The following MBNL1 variants were observed in gnomAD, a reference collection of about 807,000 sequenced individuals.
MBNL1 encodes the protein muscleblind-like protein 1.
In MBNL1, 8 loss-of-function variants were observed where a neutral mutation model predicts 42.2. That is an observed-to-expected ratio of 0.19 (90% CI 0.11 to 0.34). The LOEUF is 0.34. Ranked by LOEUF, MBNL1 falls within the 10% of genes least tolerant of loss-of-function variation. The pLI is 1.00. For synonymous variants in MBNL1, 169 were observed against 173.9 expected (o/e 0.97, Z 0.22); for missense variants, 309 against 495.3 (o/e 0.62, Z 3.57).
At position 152,414,246 on chromosome 3, in the gene MBNL1, A is replaced by G. The variant is rs956245994; in HGVS notation, c.175-695A>G. 2.0e-5 allele frequency among the ~76,000 whole-genome samples: 3 copies of G among 152,320 alleles called. 1 individual carries two copies. The highest frequency in any genetic ancestry group is 1.5e-5 in the Non-Finnish European group (1 of 68,036). On this transcript the variant is annotated intron_variant, in intron 2 of 9. Transcript: ENST00000324210. ...TTTTTAAATTTTTTGGAGGGTAAAT[A>G]TATCCATTTCTTATTGTTTCATAGA... is the stretch of plus-strand genomic sequence containing the variant.
intron 2 of MBNL1, among the ~76,000 whole-genome samples, chr3:152,255,882 T>C (rs187763544): frequency 6.6e-6 from 1 of 152,228 alleles, no homozygotes; most frequent in Admixed American, 6.5e-5. Context: ...GGAAGAGTGA[T>C]TGACCAGCGC....
chr3:152,381,978 A>C, intron 2 of MBNL1, among the ~76,000 whole-genome samples: 1 of 152,046 alleles, frequency 6.6e-6, no homozygotes, highest in Non-Finnish European at 1.5e-5. Context: ...GAGGCTGGGG[A>C]CATAGTAGGT....
In MBNL1 at chr3:152,294,872, A is replaced by G. The variant is rs572236483; in HGVS notation, c.-789-4533A>G. On this transcript the variant is annotated intron_variant, in intron 1 of 9. Transcript: ENST00000324210. ...ATTGATCCAAATTCTATAAAATCTT[A>G]ATTTACCAAAAGAGATTTCTATTTT... 1.0e-3 allele frequency among the ~76,000 whole-genome samples: 155 copies of G among 152,332 alleles called. 2 individuals carry two copies. Among genetic ancestry groups the G allele is most frequent in the Middle Eastern group, 6.8e-3 (2 of 294 alleles).
intron 2 of MBNL1, among the ~76,000 whole-genome samples, chr3:152,336,496 T>C (rs2090305942): frequency 6.6e-6 from 1 of 152,220 alleles, no homozygotes; most frequent in Non-Finnish European, 1.5e-5. Context: ...AAGTTTAGTT[T>C]AAGTCAAAAT....
At chr3:152,450,053 A>G (rs1192605695) in intron 6 of MBNL1, among the ~76,000 whole-genome samples, 1 of 149,374 alleles carries the variant, frequency 6.7e-6, no homozygotes, top group Non-Finnish European at 1.5e-5. Context: ...GTGAGCCAAG[A>G]TCACATCACT....
chr3:152,395,061 A>G (rs2097870098), intron 2 of MBNL1, among the ~76,000 whole-genome samples: 1 of 152,192 alleles, frequency 6.6e-6, no homozygotes, highest in Non-Finnish European at 1.5e-5. Flanking sequence ...GGGTTTCACC[A>G]TGTTGGCCAG....
chr3:152,432,273 A>G (rs1231929938), intron 3 of MBNL1, among the ~76,000 whole-genome samples: 1 of 152,210 alleles, frequency 6.6e-6, no homozygotes, highest in Admixed American at 6.5e-5. Context: ...ATTCCAGATA[A>G]TAGGACACTT....
At chr3:152,345,291 G>A (rs1266193602) in intron 2 of MBNL1, among the ~76,000 whole-genome samples, 1 of 152,018 alleles carries the variant, frequency 6.6e-6, no homozygotes, top group Middle Eastern at 3.2e-3. Flanking sequence ...CCTTATCCTG[G>A]ATGTGTCCTT....
chr3:152,403,845 G>A (rs2098334542), intron 2 of MBNL1, among the ~76,000 whole-genome samples: 2 of 152,154 alleles, frequency 1.3e-5, no homozygotes, highest in Non-Finnish European at 2.9e-5. Context: ...GAGAGCTGAT[G>A]GCAGTGCACA....
In MBNL1 at chr3:152,329,720, CATATATA is replaced by C. The variant is rs530699239; in HGVS notation, c.174+29368_174+29374del. Among the ~76,000 whole-genome samples, 288 of 145,358 alleles carry C rather than the reference CATATATA, an allele frequency of 2.0e-3. 2 individuals are homozygous for C. Among genetic ancestry groups the C allele is most frequent in the African/African-American group, 6.4e-3 (257 of 39,896 alleles). On this transcript the variant is annotated intron_variant, in intron 2 of 9. Transcript: ENST00000324210. ...TTATATATATATATAATATATATGTCATATATAATATATAATATATATAAGAAATATA... is the reference window on the plus strand; with the variant it reads ...TTATATATATATATAATATATATGTCATATATAATATATATAAGAAATATA...
chr3:152,379,551 G>A (rs982770070), intron 2 of MBNL1, among the ~76,000 whole-genome samples: 2 of 152,056 alleles, frequency 1.3e-5, no homozygotes, highest in African/African-American at 2.4e-5. Flanking sequence ...TTTCAGATGC[G>A]TGTGCATGTC....
chr3:152,331,195 C>T (rs2084249753), intron 2 of MBNL1, among the ~76,000 whole-genome samples: 1 of 152,062 alleles, frequency 6.6e-6, no homozygotes, highest in Non-Finnish European at 1.5e-5. Context: ...TACACACACA[C>T]ACATACACAC....
chr3:152,454,458 G>A (rs1245470278), intron 6 of MBNL1, among the ~76,000 whole-genome samples: 2 of 152,074 alleles, frequency 1.3e-5, no homozygotes, highest in Admixed American at 6.5e-5. Context: ...TAAAATCCTT[G>A]GATATTTTAA....
chr3:152,342,579 CACACACA>C (rs1296056580), intron 2 of MBNL1, among the ~76,000 whole-genome samples: 1 of 150,956 alleles, frequency 6.6e-6, no homozygotes, highest in African/African-American at 2.5e-5. Flanking sequence ...CACACACACA[CACACACA>C]CTTTCCACAA....
intron 4 of MBNL1, among the ~76,000 whole-genome samples, chr3:152,437,253 C>T (rs2099090880): frequency 6.6e-6 from 1 of 152,178 alleles, no homozygotes; most frequent in Non-Finnish European, 1.5e-5. Flanking sequence ...CTTCTTGCCA[C>T]TTCTTCCTCT....
chr3:152,372,906 C>T (rs1004149970), intron 2 of MBNL1, among the ~76,000 whole-genome samples: 2 of 152,208 alleles, frequency 1.3e-5, no homozygotes, highest in Non-Finnish European at 2.9e-5. Context: ...ACAGCCGCCT[C>T]TTCCGCCAGG....
intron 2 of MBNL1, among the ~76,000 whole-genome samples, chr3:152,257,728 A>T (rs2035650689): frequency 6.6e-6 from 1 of 152,130 alleles, no homozygotes; most frequent in Admixed American, 6.5e-5. Context: ...TAATCTCTTG[A>T]CTTGTGTTCC....
intron 1 of MBNL1, among the ~76,000 whole-genome samples, chr3:152,271,856 A>G (rs1028276630): frequency 1.3e-5 from 2 of 152,172 alleles, no homozygotes; most frequent in African/African-American, 4.8e-5. Flanking sequence ...GCTGTTGAGC[A>G]CTTGAAATGT....
At chr3:152,268,070 T>C (rs931661081), upstream of MBNL1, 1 of 152,228 alleles carries the variant, frequency 6.6e-6, no homozygotes, top group Non-Finnish European at 1.5e-5. Context: ...TGAATTATGA[T>C]ATGGGGCTGC....
Sources: allele counts gnomAD v4.1 joint callset (sites outside exome capture counted in the v4.1 genomes callset), GRCh38; gene constraint gnomAD v4.1.1; transcripts MANE v1.5; gene names NCBI Gene and HGNC (gene_info 2026-07-23, HGNC 2026-07-21).